The following CAMK4 variants were observed in gnomAD, a reference collection of about 807,000 sequenced individuals.
The protein encoded by CAMK4 is calcium/calmodulin dependent protein kinase IV.
Under a neutral mutation model 44.9 loss-of-function variants are expected in CAMK4, and 22 were observed. The ratio of observed to expected loss-of-function variants is 0.49; its 90% confidence interval spans 0.35 to 0.70. The LOEUF is 0.70. Ranked by LOEUF, CAMK4 falls within the 30% of genes least tolerant of loss-of-function variation. The pLI, the probability that CAMK4 is intolerant of heterozygous loss-of-function variation, is 0.01. For missense variants in CAMK4, 498 were observed against 586.8 expected (o/e 0.85, Z 1.56); for synonymous variants, 218 against 215.4 (o/e 1.01, Z -0.11).
chr5:111,388,735 G>A (rs1226399284), intron 4 of CAMK4, among the ~76,000 whole-genome samples: 1 of 152,142 alleles, frequency 6.6e-6, no homozygotes, highest in Non-Finnish European at 1.5e-5. Flanking sequence ...ACTACTGAGT[G>A]GCCAGCACAT....
In CAMK4 at chr5:111,396,631, C is replaced by CTTTTTTTTTTTTTTTTTTTT. The variant is rs540495109; in HGVS notation, c.459+1857_459+1876dup. Among the ~76,000 whole-genome samples, 17 of 47,014 alleles carry CTTTTTTTTTTTTTTTTTTTT rather than the reference C, an allele frequency of 3.6e-4. 5 individuals carry two copies. Among genetic ancestry groups the CTTTTTTTTTTTTTTTTTTTT allele is most frequent in the African/African-American group, 5.2e-4 (6 of 11,444 alleles). 30.8% of individuals were successfully genotyped at this position (47,014 alleles called of 152,430 possible). On this transcript the variant is annotated intron_variant, in intron 5 of 10. Coordinates refer to ENST00000282356, the MANE Select transcript of CAMK4 (RefSeq NM_001744.6). Reference sequence around the variant, plus strand: ...ACTTTAATTGCCATTAACTCATATTCTTTTTTTTTTTTTTTTTTTTTTTTT... The same window carrying CTTTTTTTTTTTTTTTTTTTT: ...ACTTTAATTGCCATTAACTCATATTCTTTTTTTTTTTTTTTTTTTTTTTTTTTTTTTTTTTTTTTTTTTTT...
chr5:111,390,125 A>T (rs190541337), intron 4 of CAMK4, among the ~76,000 whole-genome samples: 357 of 152,284 alleles, frequency 2.3e-3, no homozygotes, highest in Non-Finnish European at 3.5e-3. Flanking sequence ...ATATTCAAGA[A>T]CAAATGAATA....
chr5:111,314,508 T>C (rs1460667462), intron 1 of CAMK4, among the ~76,000 whole-genome samples: 1 of 152,072 alleles, frequency 6.6e-6, no homozygotes, highest in East Asian at 1.9e-4. Context: ...AATTTAACAG[T>C]GCCTTTAATT....
chr5:111,261,657 A>G (rs1428189457), intron 1 of CAMK4, among the ~76,000 whole-genome samples: 3 of 151,314 alleles, frequency 2.0e-5, no homozygotes, highest in African/African-American at 7.3e-5. Flanking sequence ...CACGTTTATC[A>G]TGCAAAAGTT....
At position 111,492,265 on chromosome 5, in the gene CAMK4, A is replaced by G. The variant is rs938839168; in HGVS notation, c.*7799A>G. ...ATATTTAGTAGAAAGTGCAATATCA[A>G]TTTATTAGGAGTACCTAAAATTATA... On this transcript the variant is annotated 3_prime_UTR_variant, in exon 11 of 11. Transcript: ENST00000282356. The G allele has an allele frequency of 6.6e-6, 1 of 152,224 alleles. No individual in the cohort carries two copies. The highest frequency in any genetic ancestry group is 1.5e-5 in the Non-Finnish European group (1 of 68,030). 9.4% of individuals were successfully genotyped at this position (152,224 alleles called of 1,614,324 possible).
intron 7 of CAMK4, among the ~76,000 whole-genome samples, chr5:111,453,865 G>T (rs906606501): frequency 6.6e-6 from 1 of 152,148 alleles, no homozygotes; most frequent in African/African-American, 2.4e-5. Flanking sequence ...ATTTGTGTGG[G>T]TTGCCTGGCT....
Position 111,224,627 on chromosome 5 carries a change from G to A in CAMK4, c.144G>A (p.Val48=), listed in dbSNP as rs151147378. The stretch of plus-strand genomic sequence containing the variant: ...ATGCGCTGAGCGATTTCTTCGAGGT[G>A]GAGTCGGAGCTGGGACGGTAAGGCG... ...NRDALSDFFE[V]ESELGRGATS... Residue 48 remains valine (V), a synonymous_variant, in exon 1 of 11, where the codon GTG becomes GTA. Transcript: ENST00000282356. This position sits in a 1 kb window ranked among gnomAD's most constrained non-coding sequence, Gnocchi z 5.7. The A allele has an allele frequency of 1.2e-6, 2 of 1,610,498 alleles. No individual in the cohort carries two copies. The highest frequency in any genetic ancestry group is 2.7e-5 in the African/African-American group (2 of 74,796).
chr5:111,326,748 G>A lies in CAMK4; in HGVS notation c.162-17276G>A, dbSNP rs565978611. On this transcript the variant is annotated intron_variant, in intron 1 of 10. Coordinates refer to ENST00000282356, the MANE Select transcript of CAMK4 (RefSeq NM_001744.6). ...CATTTGCAGATAAGGACGAGGCTAA[G>A]CAGTTGCACAATACAGGGAAGGAGT... Among the ~76,000 whole-genome samples the A allele has an allele frequency of 3.8e-4, 58 of 151,830 alleles. 1 individual carries two copies. Among genetic ancestry groups the A allele is most frequent in the African/African-American group, 1.3e-3 (53 of 41,468 alleles).
intron 7 of CAMK4, among the ~76,000 whole-genome samples, chr5:111,451,390 C>T (rs141139193): frequency 7.9e-4 from 120 of 151,984 alleles, no homozygotes; most frequent in Admixed American, 1.9e-3. Context: ...CTTTGCCTCC[C>T]GGGTTCAATT....
In CAMK4 at chr5:111,482,712, A is replaced by T. The variant is rs1755474692; in HGVS notation, c.829-73A>T. On this transcript the variant is annotated intron_variant, in intron 9 of 10. Transcript: ENST00000282356. The surrounding 1 kb of genome is among the most constrained non-coding windows in gnomAD (Gnocchi z 4.9). ...TGCTGGGAAATGGAATAAGATCTGG[A>T]AGTTTGTAAGCTGAGGGCAAGCCCA... 1 of 1,235,884 alleles carries T rather than the reference A, an allele frequency of 8.1e-7. No individual in the cohort carries two copies. The highest frequency in any genetic ancestry group is 1.1e-6 in the Non-Finnish European group (1 of 877,596). 76.6% of individuals were successfully genotyped at this position (1,235,884 alleles called of 1,614,324 possible).
chr5:111,255,036 C>G (rs1749679813), intron 1 of CAMK4, among the ~76,000 whole-genome samples: 1 of 149,412 alleles, frequency 6.7e-6, no homozygotes. Context: ...TAAAGCTATA[C>G]TTTGTCCAAC....
chr5:111,374,681 G>A (rs1206247089), intron 2 of CAMK4, among the ~76,000 whole-genome samples, 169 bp from the exon 3 acceptor site: 1 of 152,100 alleles, frequency 6.6e-6, no homozygotes, highest in Non-Finnish European at 1.5e-5. Context: ...GAAGCAGAGA[G>A]AAAGGATGTG....
intron 1 of CAMK4, among the ~76,000 whole-genome samples, chr5:111,315,589 T>C (rs1748386321): frequency 6.6e-6 from 1 of 152,182 alleles, no homozygotes; most frequent in Non-Finnish European, 1.5e-5. Flanking sequence ...TGGAAGATTA[T>C]GATCTTCATT....
At chr5:111,457,981 C>T (rs983254030) in intron 7 of CAMK4, among the ~76,000 whole-genome samples, 8 of 152,214 alleles carry the variant, frequency 5.3e-5, no homozygotes, top group Middle Eastern at 3.4e-3. Context: ...TCTACTTGAC[C>T]GGCTCGTGTG....
At chr5:111,353,757 A>T (rs1261806384) in intron 2 of CAMK4, among the ~76,000 whole-genome samples, 1 of 152,138 alleles carries the variant, frequency 6.6e-6, no homozygotes, top group African/African-American at 2.4e-5. Flanking sequence ...TTATGACAGC[A>T]TCAAAAACTT....
rs185145043 is a variant in CAMK4, at chr5:111,454,093, T to C, written c.625+4890T>C. Among the ~76,000 whole-genome samples, 5 of 152,298 alleles carry C rather than the reference T, an allele frequency of 3.3e-5. No homozygotes were observed. In the East Asian group the frequency reaches 7.7e-4, roughly 23 times the overall value. On this transcript the variant is annotated intron_variant, in intron 7 of 10. Coordinates refer to ENST00000282356, the MANE Select transcript of CAMK4 (RefSeq NM_001744.6). ...TTAAGATGTCAAAAACATCATAATATATATAAAGAAAAATTTAAAATATTT... is the reference window on the plus strand; with the variant it reads ...TTAAGATGTCAAAAACATCATAATACATATAAAGAAAAATTTAAAATATTT...
chr5:111,400,697 T>C (rs1344654932), intron 5 of CAMK4, among the ~76,000 whole-genome samples: 1 of 152,178 alleles, frequency 6.6e-6, no homozygotes, highest in African/African-American at 2.4e-5. Flanking sequence ...GTTTCCCTCT[T>C]TGGATTTGAA....
At chr5:111,471,888 C>T (rs1335570903) in intron 7 of CAMK4, among the ~76,000 whole-genome samples, 1 of 150,188 alleles carries the variant, frequency 6.7e-6, no homozygotes, top group Non-Finnish European at 1.5e-5. Context: ...CCAGAGCTCA[C>T]TTATTTATTT....
chr5:111,282,197 G>A (rs966746890), intron 1 of CAMK4, among the ~76,000 whole-genome samples: 1 of 152,134 alleles, frequency 6.6e-6, no homozygotes, highest in Non-Finnish European at 1.5e-5. Context: ...ATACTACTGG[G>A]CCACTCTGAT....
Sources: allele counts gnomAD v4.1 joint callset (sites outside exome capture counted in the v4.1 genomes callset), GRCh38; gene constraint gnomAD v4.1.1; non-coding constraint Gnocchi (gnomAD v3.1); transcripts MANE v1.5; gene names NCBI Gene and HGNC (gene_info 2026-07-23, HGNC 2026-07-21).